Variants in LAMA2 observed in about 807,000 individuals in gnomAD.
The protein encoded by LAMA2 is laminin subunit alpha 2.
In LAMA2, 269 loss-of-function variants were observed where a neutral mutation model predicts 364.8. The ratio of observed to expected loss-of-function variants is 0.74; its 90% CI spans 0.67 to 0.82. The LOEUF (loss-of-function observed/expected upper bound fraction) is 0.82. Among genes scored for constraint, LAMA2 ranks in the 40% least tolerant of loss-of-function variants. The pLI, the probability that LAMA2 is intolerant of heterozygous loss-of-function variation, is 0.00. For synonymous variants in LAMA2, 1,379 were observed against 1,370.6 expected (o/e 1.01, Z -0.14); for missense variants, 3,807 against 3,873.2 (o/e 0.98, Z 0.45).
intron 2 of LAMA2, among the ~76,000 whole-genome samples, chr6:129,052,425 G>T (rs1788136433): frequency 6.6e-6 from 1 of 151,612 alleles, no homozygotes; most frequent in East Asian, 1.9e-4. Flanking sequence ...TGGGATTACA[G>T]GCGTGAGCCA....
intron 12 of LAMA2, among the ~76,000 whole-genome samples, chr6:129,215,319 G>C (rs1334766627): frequency 6.6e-6 from 1 of 152,106 alleles, no homozygotes; most frequent in Non-Finnish European, 1.5e-5. Context: ...AATCAGAGTT[G>C]TTGATTCCCA....
chr6:129,238,151 C>T (rs1785126546), intron 12 of LAMA2, among the ~76,000 whole-genome samples: 1 of 144,594 alleles, frequency 6.9e-6, no homozygotes, highest in Non-Finnish European at 1.5e-5. Flanking sequence ...CCAGACTGGG[C>T]AACAGAGCAA....
At chr6:129,475,237 A>G (rs1326614554) in intron 52 of LAMA2, among the ~76,000 whole-genome samples, 153 bp from the exon 53 acceptor site, 2 of 151,754 alleles carry the variant, frequency 1.3e-5, no homozygotes, top group Non-Finnish European at 2.9e-5. Flanking sequence ...TTTTAGTTCT[A>G]TTGGGGCTTT....
chr6:128,951,330 T>A (rs915239526), intron 1 of LAMA2, among the ~76,000 whole-genome samples: 1 of 152,154 alleles, frequency 6.6e-6, no homozygotes, highest in Admixed American at 6.6e-5. Context: ...AGAGGGCCTG[T>A]CATAGATAAA....
intron 1 of LAMA2, among the ~76,000 whole-genome samples, chr6:128,932,208 G>T (rs1007315060): frequency 2.0e-5 from 3 of 152,230 alleles, no homozygotes; most frequent in South Asian, 4.1e-4. Context: ...GGAGAATATT[G>T]CCCTGCAGCA....
chr6:129,490,179 C>A (rs551672995), intron 56 of LAMA2, among the ~76,000 whole-genome samples: 1 of 152,236 alleles, frequency 6.6e-6, no homozygotes, highest in African/African-American at 2.4e-5. Context: ...TAGCAATGCC[C>A]TTTTTAAGTA....
intron 29 of LAMA2, among the ~76,000 whole-genome samples, chr6:129,335,200 G>A (rs767076174): frequency 2.6e-4 from 40 of 152,192 alleles, no homozygotes; most frequent in Non-Finnish European, 5.1e-4. Context: ...AATAAATCCT[G>A]TACATAGGCA....
chr6:128,976,792 C>T (rs1410786282), intron 1 of LAMA2, among the ~76,000 whole-genome samples: 1 of 152,102 alleles, frequency 6.6e-6, no homozygotes, highest in East Asian at 1.9e-4. Flanking sequence ...GACTTAGGTT[C>T]TTGGTTCTGT....
chr6:128,923,880 T>G (rs887418701), intron 1 of LAMA2, among the ~76,000 whole-genome samples: 3 of 152,152 alleles, frequency 2.0e-5, no homozygotes, highest in Non-Finnish European at 4.4e-5. Flanking sequence ...AGGAAATGCC[T>G]TTTATGGTTG....
chr6:129,157,521 C>T (rs1307301953), intron 8 of LAMA2: 222 of 1,611,848 alleles, frequency 1.4e-4, no homozygotes, highest in Non-Finnish European at 1.8e-4. Context: ...ATGGTTTAAC[C>T]GTCAGATTTT....
At chr6:129,090,674 A>G (rs189046791) in intron 3 of LAMA2, among the ~76,000 whole-genome samples, 7 of 152,170 alleles carry the variant, frequency 4.6e-5, no homozygotes, top group Non-Finnish European at 8.8e-5. Context: ...CTCTACTACT[A>G]TATTTCCTGA....
chr6:129,119,957 T>C (rs2114916833), intron 4 of LAMA2, among the ~76,000 whole-genome samples: 1 of 152,324 alleles, frequency 6.6e-6, no homozygotes, highest in African/African-American at 2.4e-5. Context: ...AATTATCACT[T>C]ACATGGGCTC....
At chr6:129,502,114 C>T (rs1168846442) in intron 58 of LAMA2, among the ~76,000 whole-genome samples, 1 of 152,190 alleles carries the variant, frequency 6.6e-6, no homozygotes, top group African/African-American at 2.4e-5. Context: ...TGCCTAGCAA[C>T]TGGCAAGGGC....
chr6:129,388,403 A>G (rs1669768044), intron 35 of LAMA2, among the ~76,000 whole-genome samples: 1 of 152,202 alleles, frequency 6.6e-6, no homozygotes, highest in Admixed American at 6.5e-5. Context: ...TGTGCACCTT[A>G]ATGATTGCTT....
chr6:129,231,009 A>G (rs1192091187), intron 12 of LAMA2, among the ~76,000 whole-genome samples: 1 of 152,144 alleles, frequency 6.6e-6, no homozygotes, highest in East Asian at 1.9e-4. Context: ...TACAGTACAC[A>G]TTTAGTGTGC....
chr6:128,896,389 C>T (rs969133144), intron 1 of LAMA2, among the ~76,000 whole-genome samples: 1 of 150,746 alleles, frequency 6.6e-6, no homozygotes, highest in Non-Finnish European at 1.5e-5. Flanking sequence ...TGCTGAATAA[C>T]ATGTCCTCAC....
intron 10 of LAMA2, among the ~76,000 whole-genome samples, chr6:129,180,980 T>C (rs1188640313): frequency 6.6e-6 from 1 of 151,970 alleles, no homozygotes; most frequent in East Asian, 1.9e-4. Context: ...ACACTAGAAA[T>C]GCTTTCAGAC....
intron 1 of LAMA2, among the ~76,000 whole-genome samples, chr6:129,011,170 C>T (rs1330035693): frequency 6.6e-6 from 1 of 152,120 alleles, no homozygotes; most frequent in Non-Finnish European, 1.5e-5. Context: ...TCACCCTGCT[C>T]ATTTCACTTT....
intron 1 of LAMA2, among the ~76,000 whole-genome samples, chr6:128,960,389 A>G (rs1582773235): frequency 1.5e-5 from 2 of 129,166 alleles, no homozygotes; most frequent in South Asian, 2.3e-4. Context: ...CCCAGGCTGG[A>G]GTGCAATGGC....
Sources: gnomAD v4.1 joint callset for allele counts (sites outside exome capture counted in the v4.1 genomes callset) on GRCh38, gnomAD v4.1.1 for gene constraint, MANE v1.5 for transcripts, NCBI Gene and HGNC (gene_info 2026-07-23, HGNC 2026-07-21) for gene names.